Variants in ZDHHC4 observed in about 807,000 individuals in gnomAD.
ZDHHC4 encodes the protein palmitoyltransferase ZDHHC4.
Under a neutral mutation model 36.7 loss-of-function variants are expected in ZDHHC4, and 42 were observed. That is an observed-to-expected ratio of 1.14 (90% CI 0.89 to 1.48). ZDHHC4 has a LOEUF of 1.48. Among genes scored for constraint, ZDHHC4 ranks in the 40% most tolerant of loss-of-function variants. The pLI is 0.00. For synonymous variants in ZDHHC4, 189 were observed against 166.6 expected (o/e 1.13, Z -1.03); for missense variants, 457 against 421.5 (o/e 1.08, Z -0.74).
chr7:6,580,097 C>T (rs947202227), intron 2 of ZDHHC4, among the ~76,000 whole-genome samples: 7 of 151,900 alleles, frequency 4.6e-5, no homozygotes, highest in Non-Finnish European at 8.8e-5. Flanking sequence ...ATCACGCCAC[C>T]GCACTGCAAC....
At position 6,588,957 on chromosome 7, in the gene ZDHHC4, T is replaced by C. The variant is rs369818962; in HGVS notation, c.*47T>C. 1.9e-6 allele frequency: 3 copies of C among 1,565,780 alleles called. No individual in the cohort carries two copies. The highest frequency in any genetic ancestry group is 2.3e-5 in the South Asian group (2 of 86,138). On this transcript the variant is annotated 3_prime_UTR_variant, in exon 8 of 8. Coordinates refer to ENST00000335965, the MANE Select transcript of ZDHHC4 (RefSeq NM_001134389.2). ...GCTGTAGTTCCCGTTTATTTACACA[T>C]GTGGATCCTCGTTTTCCAAGCATGG... is the stretch of plus-strand genomic sequence containing the variant.
At chr7:6,579,590 G>C (rs1583376701) in intron 2 of ZDHHC4, among the ~76,000 whole-genome samples, 1 of 152,204 alleles carries the variant, frequency 6.6e-6, no homozygotes, top group East Asian at 1.9e-4. Context: ...CTGGAGGGAT[G>C]CTTCTTAGGA....
chr7:6,578,210 C>G (rs540657006), intron 1 of ZDHHC4, among the ~76,000 whole-genome samples: 34 of 152,172 alleles, frequency 2.2e-4, no homozygotes, highest in Non-Finnish European at 4.9e-4. Flanking sequence ...TCACTGCAGC[C>G]TCGACCTCCT....
At chr7:6,581,737 T>C (rs1272862557) in intron 4 of ZDHHC4, 57 bp downstream of exon 4, 4 of 1,395,982 alleles carry the variant, frequency 2.9e-6, no homozygotes, top group Non-Finnish European at 4.0e-6. Flanking sequence ...TTATTAATTG[T>C]TGAGATCCTC....
intron 7 of ZDHHC4, among the ~76,000 whole-genome samples, chr7:6,587,985 C>G (rs1473519017): frequency 6.6e-6 from 1 of 152,224 alleles, no homozygotes; most frequent in Non-Finnish European, 1.5e-5. Flanking sequence ...TCTGCCTCAG[C>G]CTCTTGAGTA....
intron 6 of ZDHHC4, 112 bp from the exon 7 acceptor site, chr7:6,584,904 A>G: frequency 6.8e-7 from 1 of 1,470,044 alleles, no homozygotes; most frequent in Non-Finnish European, 9.1e-7. Flanking sequence ...AGCAGCTGCC[A>G]TTTTCCTCTG....
chr7:6,582,071 A>G lies in ZDHHC4; in HGVS notation c.192-2A>G, dbSNP rs768928521. ...GAACAAGCCATGCCTGTTTTCTTTC[A>G]GAAACCACACCTTCATTGTCCTGCA... On this transcript the variant is annotated splice_acceptor_variant, in intron 4 of 7. Transcript: ENST00000335965. LOFTEE classifies it high-confidence loss of function. 5 of 1,609,728 alleles carry G rather than the reference A, an allele frequency of 3.1e-6. No individual in the cohort carries two copies. Among genetic ancestry groups the G allele is most frequent in the African/African-American group, 1.3e-5 (1 of 74,942 alleles).
rs763466537 is a variant in ZDHHC4 at position 6,585,136 on chromosome 7, C to A, written c.617C>A (p.Ala206Asp). 2 of 1,614,028 alleles carry A rather than the reference C, an allele frequency of 1.2e-6. No homozygotes were observed. The highest frequency in any genetic ancestry group is 2.7e-5 in the African/African-American group (2 of 74,916). Residue 206 changes from alanine (A) to aspartate (D), a missense_variant, in exon 7 of 8, where the codon GCC becomes GAC. Coordinates refer to ENST00000335965, the MANE Select transcript of ZDHHC4 (RefSeq NM_001134389.2). ...GTCTTGACCTTGACGGCCTCGGCTG[C>A]CACCGTCGCCATTGTGAGCACCACT... ...IYVLTLTASA[A>D]TVAIVSTTFL...
chr7:6,584,720 ACCT>A (rs1262237838), intron 6 of ZDHHC4, among the ~76,000 whole-genome samples: 3 of 152,018 alleles, frequency 2.0e-5, no homozygotes, highest in African/African-American at 7.2e-5. Context: ...TGCAGCGTTG[ACCT>A]CCTGTGCTCA....
At chr7:6,587,602 C>T (rs1781328634) in intron 7 of ZDHHC4, among the ~76,000 whole-genome samples, 1 of 152,188 alleles carries the variant, frequency 6.6e-6, no homozygotes, top group South Asian at 2.1e-4. Context: ...TTGCCTTTCT[C>T]ATTAGTCAAT....
In ZDHHC4 at chr7:6,589,084, C is replaced by T. The variant is rs1188435492; in HGVS notation, c.*174C>T. On this transcript the variant is annotated 3_prime_UTR_variant, in exon 8 of 8. Coordinates refer to ENST00000335965, the MANE Select transcript of ZDHHC4 (RefSeq NM_001134389.2). ...CTGAGGAATCCCCCTTGCTTGTCTTCTTTTGAAACCGGGCATCTCTGAAGT... is the reference window on the plus strand; with the variant it reads ...CTGAGGAATCCCCCTTGCTTGTCTTTTTTTGAAACCGGGCATCTCTGAAGT... 3.9e-6 allele frequency: 3 copies of T among 759,948 alleles called. No homozygotes were observed. The highest frequency in any genetic ancestry group is 4.1e-6 in the Non-Finnish European group (2 of 483,196). The allele number at this position is 759,948 out of a possible 1,614,324, so 47.1% of individuals were successfully genotyped here. A position where few individuals can be genotyped will look rare whatever the true frequency, so the allele number is the denominator to read the frequency against.
chr7:6,583,613 C>T (rs78653838), intron 6 of ZDHHC4, 182 bp downstream of exon 6: 31,378 of 790,690 alleles, frequency 0.04, 762 homozygotes, highest in Non-Finnish European at 0.049. Flanking sequence ...GTCTTGTGTT[C>T]CTGTGTAGTA....
intron 2 of ZDHHC4, among the ~76,000 whole-genome samples, chr7:6,580,126 ACT>A (rs943735596): frequency 6.6e-6 from 1 of 151,230 alleles, no homozygotes; most frequent in Admixed American, 6.6e-5. Flanking sequence ...CAAGAGTGAA[ACT>A]CTGTCTCAAA....
intron 2 of ZDHHC4, among the ~76,000 whole-genome samples, chr7:6,579,907 A>C (rs1259940157): frequency 1.3e-5 from 2 of 152,112 alleles, no homozygotes; most frequent in African/African-American, 4.8e-5. Context: ...AGGCCGAGGC[A>C]GGTGGATCAC....
In ZDHHC4 at chr7:6,588,605, C is replaced by G; in HGVS notation, c.742-12C>G. 2 of 1,612,874 alleles carry G rather than the reference C, an allele frequency of 1.2e-6. No individual in the cohort carries two copies. On this transcript the variant is annotated splice_polypyrimidine_tract_variant and intron_variant, in intron 7 of 7. Transcript: ENST00000335965. Reference sequence around the variant, plus strand: ...CCAGCTGCCTAAAGCACTACCTTTTCTCTGCTCCTAGTACCTGTTCCTGAC... The same window carrying G: ...CCAGCTGCCTAAAGCACTACCTTTTGTCTGCTCCTAGTACCTGTTCCTGAC...
At chr7:6,579,825 T>C (rs1355221472) in intron 2 of ZDHHC4, among the ~76,000 whole-genome samples, 2 of 152,098 alleles carry the variant, frequency 1.3e-5, no homozygotes, top group Non-Finnish European at 2.9e-5. Context: ...GCCACAGTCT[T>C]AGGGTGTTAG....
At position 6,588,902 on chromosome 7, in the gene ZDHHC4, C is replaced by A. The variant is rs147094358; in HGVS notation, c.1027C>A (p.Gln343Lys). The A allele has an allele frequency of 1.2e-6, 2 of 1,605,176 alleles. No homozygotes were observed. The highest frequency in any genetic ancestry group is 1.7e-6 in the Non-Finnish European group (2 of 1,172,432). Residue 343 changes from glutamine to lysine, a missense_variant, in exon 8 of 8, where the codon CAA becomes AAA. By Grantham distance (53) the Gln-to-Lys change is moderately conservative. Transcript: ENST00000335965. ...CTTTCCATGTCATGAGAGGAAGAAA[C>A]AAGAATGACAAGTGTATGACTGCCT... ...PAFPCHERKK[Q>K]E is the part of the protein sequence containing the mutation.
intron 1 of ZDHHC4, chr7:6,577,751 C>G (rs1780535719): frequency 6.6e-6 from 1 of 152,226 alleles, no homozygotes. Context: ...TTCGGGAGGC[C>G]CTAATGGGGA....
intron 2 of ZDHHC4, among the ~76,000 whole-genome samples, chr7:6,579,846 T>A (rs539908674): frequency 1.8e-4 from 27 of 152,158 alleles, no homozygotes; most frequent in African/African-American, 6.5e-4. Context: ...ATTCAAAGTT[T>A]TTATCTTGGG....
Sources: gnomAD v4.1 joint callset for allele counts (sites outside exome capture counted in the v4.1 genomes callset) on GRCh38, gnomAD v4.1.1 for gene constraint, MANE v1.5 for transcripts, NCBI Gene and HGNC (gene_info 2026-07-23, HGNC 2026-07-21) for gene names.